The following TMEM178A variants were observed in gnomAD, a reference collection of about 807,000 sequenced individuals.
TMEM178A encodes transmembrane protein 178.
A neutral mutation model predicts 29.1 loss-of-function variants in TMEM178A; 12 were observed. That is an observed-to-expected ratio of 0.41 (90% CI 0.26 to 0.67). The LOEUF (loss-of-function observed/expected upper bound fraction) is 0.67, where lower values mean the gene tolerates loss of function less well. TMEM178A is among the 30% of genes least tolerant of loss of function. The pLI, the probability that TMEM178A is intolerant of heterozygous loss-of-function variation, is 0.29. For synonymous variants in TMEM178A, 210 were observed against 187.2 expected (o/e 1.12, Z -0.99); for missense variants, 366 against 419.1 (o/e 0.87, Z 1.11).
chr2:39,725,566 T>G, the TMEM178A span, among the ~76,000 whole-genome samples: 1 of 152,314 alleles, frequency 6.6e-6, no homozygotes, highest in African/African-American at 2.4e-5. Context: ...TGGACTTTTA[T>G]GGCTGTGTTC....
At chr2:39,721,510 A>T (rs1672703959), downstream of TMEM178A, among the ~76,000 whole-genome samples, 1 of 152,136 alleles carries the variant, frequency 6.6e-6, no homozygotes, top group African/African-American at 2.4e-5. Flanking sequence ...TCTCTAAGTG[A>T]ATGTTTTGCA....
chr2:39,719,174 A>G (rs1345605341), downstream of TMEM178A, among the ~76,000 whole-genome samples: 1 of 152,204 alleles, frequency 6.6e-6, no homozygotes, highest in African/African-American at 2.4e-5. Context: ...GAGATCAGAG[A>G]CGTATAGAAA....
chr2:39,735,705 T>A, the TMEM178A span, among the ~76,000 whole-genome samples: 4 of 152,216 alleles, frequency 2.6e-5, no homozygotes, highest in Non-Finnish European at 5.9e-5. Flanking sequence ...TGAAATGTAT[T>A]CAAGATTAGT....
intron 1 of TMEM178A, among the ~76,000 whole-genome samples, chr2:39,671,735 C>T (rs970414547): frequency 7.2e-5 from 11 of 152,164 alleles, no homozygotes; most frequent in Non-Finnish European, 1.3e-4. Context: ...AGAAGTTCAA[C>T]CATTTTCATG....
chr2:39,726,898 A>C, the TMEM178A span, among the ~76,000 whole-genome samples: 3 of 152,234 alleles, frequency 2.0e-5, no homozygotes, highest in South Asian at 4.1e-4. Context: ...GAAAACTGAC[A>C]ATATTAAATG....
At chr2:39,730,667 C>T in the TMEM178A span, among the ~76,000 whole-genome samples, 2 of 152,090 alleles carry the variant, frequency 1.3e-5, no homozygotes, top group African/African-American at 4.8e-5. Flanking sequence ...GATGGAGAGA[C>T]CAATGGATGG....
chr2:39,722,217 C>T (rs537462095), downstream of TMEM178A, among the ~76,000 whole-genome samples: 56 of 151,782 alleles, frequency 3.7e-4, 1 homozygote, highest in Admixed American at 5.9e-4. Context: ...AGTTACATGG[C>T]GGTGGGGAAA....
intron 3 of TMEM178A, 72 bp downstream of exon 3, chr2:39,707,258 G>A (rs1234229119): frequency 7.5e-5 from 111 of 1,483,994 alleles, no homozygotes; most frequent in South Asian, 1.3e-4. Context: ...AGCTAGTGTC[G>A]CTTTGTTATC....
the TMEM178A span, among the ~76,000 whole-genome samples, chr2:39,727,748 G>A: frequency 1.4e-5 from 2 of 148,002 alleles, no homozygotes; most frequent in South Asian, 4.4e-4. Flanking sequence ...CCCGGTGTGT[G>A]ATGTTCCCCA....
chr2:39,712,661 ACCTCTCTC>A (rs1270405458), intron 3 of TMEM178A, among the ~76,000 whole-genome samples: 1 of 149,068 alleles, frequency 6.7e-6, no homozygotes, highest in Non-Finnish European at 1.5e-5. Flanking sequence ...GGACTCAGGA[ACCTCTCTC>A]TCTCTCTCTC....
At chr2:39,703,980 C>T (rs1245034646) in intron 1 of TMEM178A, 101 bp from the exon 2 acceptor site, 1 of 797,438 alleles carries the variant, frequency 1.3e-6, no homozygotes, top group South Asian at 1.7e-5. Context: ...CTTATCCCAT[C>T]TCCCATTCAA....
Position 39,665,952 on chromosome 2 carries a change from C to A in TMEM178A, c.-23C>A, listed in dbSNP as rs759300544. ...TGGCGGCGGCGCGCGAGCCCACCGG[C>A]GGCTGCGGCGGGGCGGGAAGCCATG... On this transcript the variant is annotated 5_prime_UTR_variant, in exon 1 of 4. Coordinates refer to ENST00000281961, the MANE Select transcript of TMEM178A (RefSeq NM_152390.3). The A allele has an allele frequency of 6.7e-6, 9 of 1,341,500 alleles. No individual in the cohort carries two copies. In the South Asian group the frequency reaches 1.4e-4, roughly 21 times the overall value. 83.1% of individuals were successfully genotyped at this position (1,341,500 alleles called of 1,614,324 possible). A position where few individuals can be genotyped will look rare whatever the true frequency, so the allele number is the denominator to read the frequency against.
At chr2:39,710,200 C>T (rs562105427) in intron 3 of TMEM178A, among the ~76,000 whole-genome samples, 3 of 151,914 alleles carry the variant, frequency 2.0e-5, no homozygotes, top group South Asian at 2.1e-4. Flanking sequence ...ACAACAGAAA[C>T]CACCACCACC....
downstream of TMEM178A, among the ~76,000 whole-genome samples, chr2:39,719,202 A>T (rs1175689193): frequency 6.6e-6 from 1 of 152,222 alleles, no homozygotes; most frequent in African/African-American, 2.4e-5. Context: ...TTATTTTCAA[A>T]GCAGGAGAGC....
chr2:39,668,560 G>A (rs1670277170), intron 1 of TMEM178A, among the ~76,000 whole-genome samples: 1 of 152,160 alleles, frequency 6.6e-6, no homozygotes, highest in Admixed American at 6.5e-5. Flanking sequence ...ATTCTTTAGA[G>A]AAATTTCTAG....
upstream of TMEM178A, chr2:39,665,600 A>C: frequency 5.2e-6 from 1 of 190,726 alleles, no homozygotes. Flanking sequence ...TTAAAAGGGG[A>C]AGGGGGGTCG....
downstream of TMEM178A, among the ~76,000 whole-genome samples, chr2:39,721,670 G>C (rs1672709394): frequency 6.6e-6 from 1 of 152,040 alleles, no homozygotes; most frequent in Admixed American, 6.6e-5. Context: ...GCCTAAAAAA[G>C]GATAATGATG....
intron 1 of TMEM178A, among the ~76,000 whole-genome samples, chr2:39,700,918 G>A (rs1042622566): frequency 6.6e-6 from 1 of 150,892 alleles, no homozygotes; most frequent in Non-Finnish European, 1.5e-5. Flanking sequence ...AATACCAATT[G>A]AATTCAATAG....
chr2:39,723,279 A>G, the TMEM178A span, among the ~76,000 whole-genome samples: 1 of 152,332 alleles, frequency 6.6e-6, no homozygotes, highest in African/African-American at 2.4e-5. Flanking sequence ...CACTTATCAT[A>G]TTGCTTAAAT....
Sources: gnomAD v4.1 joint callset for allele counts (sites outside exome capture counted in the v4.1 genomes callset) on GRCh38, gnomAD v4.1.1 for gene constraint, MANE v1.5 for transcripts, NCBI Gene and HGNC (gene_info 2026-07-23, HGNC 2026-07-21) for gene names.